The following FRMD4A variants were observed in gnomAD, a reference collection of about 807,000 sequenced individuals.
The protein encoded by FRMD4A is FERM domain-containing protein 4A.
A neutral mutation model predicts 129.1 loss-of-function variants in FRMD4A; 29 were observed. The observed-to-expected ratio is 0.22, with a 90% CI of 0.17 to 0.31. The LOEUF (loss-of-function observed/expected upper bound fraction) is 0.31. Ranked by LOEUF, FRMD4A falls within the 10% of genes least tolerant of loss-of-function variation. The probability of loss-of-function intolerance (pLI) is 1.00; values close to 1 mark genes in which losing one functional copy is unlikely to be tolerated. For synonymous variants in FRMD4A, 634 were observed against 571.6 expected, an observed-to-expected ratio of 1.11 and a Z score of -1.56; for missense variants, 1,272 against 1,375.8, an observed-to-expected ratio of 0.92 and a Z score of 1.19.
At chr10:13,746,700 T>G (rs879614487) in intron 9 of FRMD4A, among the ~76,000 whole-genome samples, 19 of 152,216 alleles carry the variant, frequency 1.2e-4, no homozygotes, top group Admixed American at 6.5e-5. Flanking sequence ...TGCTTTTTGT[T>G]TTGCTTTTAA....
chr10:14,200,945 A>G (rs187613429), intron 2 of FRMD4A, among the ~76,000 whole-genome samples: 57 of 152,328 alleles, frequency 3.7e-4, no homozygotes, highest in African/African-American at 1.2e-3. Flanking sequence ...CCTACCTGTC[A>G]GGAGCGTTTC....
intron 2 of FRMD4A, among the ~76,000 whole-genome samples, chr10:14,104,560 T>G (rs11813391): frequency 3.9e-5 from 6 of 152,120 alleles, no homozygotes; most frequent in African/African-American, 1.4e-4. Flanking sequence ...GGCTCTACGG[T>G]GGCCCCGCTC....
chr10:13,918,644 T>A (rs111622262), intron 2 of FRMD4A, among the ~76,000 whole-genome samples: 14,278 of 152,046 alleles, frequency 0.094, 985 homozygotes, highest in Non-Finnish European at 0.13. Context: ...TTCTCCTGCC[T>A]CAGCCTCCTG....
At chr10:13,951,573 T>C (rs1047594721) in intron 2 of FRMD4A, among the ~76,000 whole-genome samples, 2 of 151,842 alleles carry the variant, frequency 1.3e-5, no homozygotes, top group Non-Finnish European at 2.9e-5. Context: ...ACAGGACAAA[T>C]GTTAAGGTGA....
At chr10:13,722,524 G>T (rs2089520996) in intron 12 of FRMD4A, among the ~76,000 whole-genome samples, 1 of 152,006 alleles carries the variant, frequency 6.6e-6, no homozygotes, top group Admixed American at 6.6e-5. Context: ...GAGATTACAG[G>T]CATGAGCCAC....
chr10:14,118,294 C>T (rs1838305657), intron 2 of FRMD4A, among the ~76,000 whole-genome samples: 1 of 152,102 alleles, frequency 6.6e-6, no homozygotes, highest in African/African-American at 2.4e-5. Context: ...TGAGAGAGAG[C>T]CGTTCTTGGT....
intron 15 of FRMD4A, chr10:13,685,444 T>C (rs1281413045): frequency 1.0e-6 from 1 of 985,094 alleles, no homozygotes; most frequent in Non-Finnish European, 1.2e-6. Context: ...AACTATGGTT[T>C]GTAAATCCTA....
rs147316399 is a variant in FRMD4A at position 14,271,405 on chromosome 10, T to C, written c.45+58653A>G. On this transcript the variant is annotated intron_variant, in intron 2 of 24. Coordinates refer to ENST00000357447, the MANE Select transcript of FRMD4A (RefSeq NM_018027.5). ...CCCTAGATAGGATGCTATCCCTTTA[T>C]AGGGCACTCACATACAAACCCACAT... Among the ~76,000 whole-genome samples, 4 of 152,368 alleles carry C rather than the reference T, an allele frequency of 2.6e-5. No individual in the cohort carries two copies. In the East Asian group the frequency reaches 7.7e-4, roughly 29 times the overall value.
chr10:14,301,481 A>G (rs551523275), intron 2 of FRMD4A, among the ~76,000 whole-genome samples: 5 of 152,240 alleles, frequency 3.3e-5, no homozygotes, highest in East Asian at 1.9e-4. Flanking sequence ...AGATGCCTCT[A>G]TTTTACTTTT....
rs2080952307 is a variant in FRMD4A at position 13,643,793 on chromosome 10, GAATA to G, written c.*3241_*3244del. The G allele has an allele frequency of 6.6e-6, 1 of 152,600 alleles. No homozygotes were observed. Among genetic ancestry groups the G allele is most frequent in the East Asian group, 1.9e-4 (1 of 5,198 alleles). The allele number at this position is 152,600 out of a possible 1,614,324, so 9.5% of individuals were successfully genotyped here. Reference sequence around the variant, plus strand: ...ACTATACAAATTCTTAATACAAAAAGAATAAATTAAAAGCAGATTTCTTTTTTTA... The same window carrying G: ...ACTATACAAATTCTTAATACAAAAAGAATTAAAAGCAGATTTCTTTTTTTA... On this transcript the variant is annotated 3_prime_UTR_variant, in exon 25 of 25. Coordinates refer to ENST00000357447, the MANE Select transcript of FRMD4A (RefSeq NM_018027.5).
intron 5 of FRMD4A, among the ~76,000 whole-genome samples, chr10:13,784,990 C>CAAAAAAA (rs35375065): frequency 1.0e-5 from 1 of 98,436 alleles, no homozygotes. Context: ...GACTCTATCT[C>CAAAAAAA]AAAAAAAAAA....
At chr10:13,650,429 T>C (rs566724141) in intron 24 of FRMD4A, among the ~76,000 whole-genome samples, 1 of 150,226 alleles carries the variant, frequency 6.7e-6, no homozygotes, top group African/African-American at 2.5e-5. Context: ...CTCGTGTATG[T>C]ATTCGTGTAT....
At chr10:14,138,487 G>A (rs1416856303) in intron 2 of FRMD4A, among the ~76,000 whole-genome samples, 6 of 151,146 alleles carry the variant, frequency 4.0e-5, no homozygotes, top group African/African-American at 7.3e-5. Context: ...AAGGCCGGAC[G>A]CGGTGGCTCA....
In FRMD4A at chr10:14,109,101, C is replaced by T. The variant is rs566396423; in HGVS notation, c.45+220957G>A. The stretch of plus-strand genomic sequence containing the variant: ...GAAAGGCTCTCCAAGGGTTGAAGAG[C>T]CCAAGAGATTCCAAGCTCCTCACCC... On this transcript the variant is annotated intron_variant, in intron 2 of 24. Coordinates refer to ENST00000357447, the MANE Select transcript of FRMD4A (RefSeq NM_018027.5). Among the ~76,000 whole-genome samples, 26 of 152,092 alleles carry T rather than the reference C, an allele frequency of 1.7e-4. 1 individual carries two copies. Among genetic ancestry groups the T allele is most frequent in the East Asian group, 1.4e-3 (7 of 5,174 alleles).
intron 2 of FRMD4A, among the ~76,000 whole-genome samples, chr10:14,294,191 T>C (rs1179311872): frequency 1.3e-5 from 2 of 152,220 alleles, no homozygotes; most frequent in African/African-American, 4.8e-5. Context: ...TTTATTTTAT[T>C]CTTCTTCTTT....
intron 2 of FRMD4A, among the ~76,000 whole-genome samples, chr10:14,031,270 T>G: frequency 4.9e-5 from 2 of 40,842 alleles, no homozygotes; most frequent in East Asian, 6.8e-3. Context: ...TTTATAGACA[T>G]TTTTTTTTTT....
intron 12 of FRMD4A, among the ~76,000 whole-genome samples, chr10:13,722,438 G>A (rs942498644): frequency 6.6e-5 from 10 of 150,880 alleles, no homozygotes; most frequent in African/African-American, 2.0e-4. Flanking sequence ...AGAGTCGAGG[G>A]TCTCTCTATG....
chr10:14,184,921 G>T (rs1046986007), intron 2 of FRMD4A, among the ~76,000 whole-genome samples: 1 of 152,138 alleles, frequency 6.6e-6, no homozygotes, highest in African/African-American at 2.4e-5. Flanking sequence ...AAACGCGACC[G>T]CTAAAGTCGT....
At chr10:14,268,404 A>G (rs1845051497) in intron 2 of FRMD4A, among the ~76,000 whole-genome samples, 1 of 152,224 alleles carries the variant, frequency 6.6e-6, no homozygotes, top group South Asian at 2.1e-4. Context: ...TGATCAATGC[A>G]CACCTTAGAC....
Sources: gnomAD v4.1 joint callset for allele counts (sites outside exome capture counted in the v4.1 genomes callset) on GRCh38, gnomAD v4.1.1 for gene constraint, MANE v1.5 for transcripts, NCBI Gene and HGNC (gene_info 2026-07-23, HGNC 2026-07-21) for gene names.